TENM3: variants seen among roughly 807,000 people sequenced by gnomAD.
TENM3 encodes teneurin transmembrane protein 3.
TENM3 carries 63 observed loss-of-function variants against 255.1 expected under a neutral mutation model. That is an observed-to-expected ratio of 0.25 (90% confidence interval 0.20 to 0.30). The LOEUF (loss-of-function observed/expected upper bound fraction) is 0.30. Among genes scored for constraint, TENM3 ranks in the 10% least tolerant of loss-of-function variants. The probability of loss-of-function intolerance (pLI) is 1.00; values close to 1 mark genes in which losing one functional copy is unlikely to be tolerated. For synonymous variants in TENM3, 1,306 were observed against 1,322.3 expected (o/e 0.99, Z 0.27); for missense variants, 2,929 against 3,461.1 (o/e 0.85, Z 3.86).
intron 2 of TENM3, among the ~76,000 whole-genome samples, chr4:182,334,228 A>G (rs1763959068): frequency 6.6e-6 from 1 of 152,204 alleles, no homozygotes; most frequent in South Asian, 2.1e-4. Context: ...AAATTTTGCA[A>G]GCATGCTATG....
the TENM3 span, among the ~76,000 whole-genome samples, chr4:182,066,325 T>A: frequency 4.6e-5 from 7 of 152,140 alleles, no homozygotes; most frequent in Non-Finnish European, 1.0e-4. Context: ...AACTCAAATG[T>A]TTTCATGTGT....
chr4:182,747,209 C>T (rs899437671), intron 19 of TENM3, among the ~76,000 whole-genome samples: 1 of 152,128 alleles, frequency 6.6e-6, no homozygotes, highest in Non-Finnish European at 1.5e-5. Context: ...AAAATGCAAA[C>T]TTTTTATCCT....
chr4:182,211,487 C>A (rs1755037756), intron 1 of TENM3, among the ~76,000 whole-genome samples: 1 of 152,102 alleles, frequency 6.6e-6, no homozygotes, highest in Non-Finnish European at 1.5e-5. Context: ...AAAACATAGG[C>A]TATAGTCTGA....
upstream of TENM3, chr4:182,142,128 T>G (rs918977845): frequency 6.6e-6 from 1 of 152,138 alleles, no homozygotes; most frequent in African/African-American, 2.4e-5. Context: ...AAGCCTTTTT[T>G]TTATATAATA....
chr4:182,667,316 A>G (rs1754784677), intron 6 of TENM3, among the ~76,000 whole-genome samples: 1 of 151,798 alleles, frequency 6.6e-6, no homozygotes, highest in African/African-American at 2.4e-5. Flanking sequence ...TCAGCCTCCC[A>G]AGTAGCTGGG....
Position 182,773,630 on chromosome 4 carries a change from T to TGTC in TENM3, c.5051_5052insGTC (p.Phe1684delinsLeuSer), listed in dbSNP as rs1764448149. On this transcript the variant is annotated protein_altering_variant, in exon 23 of 28. Transcript: ENST00000511685. ...TCAAATCTGTCCTCGATCGATTCTT[T>TGTC]CTACACCATGGTTCAAGGTAAACAC... The TGTC allele has an allele frequency of 6.2e-7, 1 of 1,612,280 alleles. No homozygotes were observed. The highest frequency in any genetic ancestry group is 8.5e-7 in the Non-Finnish European group (1 of 1,179,244).
chr4:182,540,818 A>C (rs377576668), intron 3 of TENM3, among the ~76,000 whole-genome samples: 28 of 152,198 alleles, frequency 1.8e-4, no homozygotes, highest in African/African-American at 6.8e-4. Flanking sequence ...ATGAAGAGGA[A>C]CTGCATATGC....
the TENM3 span, among the ~76,000 whole-genome samples, chr4:181,875,304 A>T: frequency 6.6e-6 from 1 of 152,152 alleles, no homozygotes; most frequent in East Asian, 1.9e-4. Flanking sequence ...ATAAATCTTA[A>T]TAATAGCAAT....
chr4:181,595,683 C>T, the TENM3 span, among the ~76,000 whole-genome samples: 89 of 152,204 alleles, frequency 5.8e-4, no homozygotes, highest in African/African-American at 2.0e-3. Flanking sequence ...GATCTGGGTC[C>T]TGACTTCCTC....
chr4:182,182,771 G>T (rs1752922673), intron 1 of TENM3, among the ~76,000 whole-genome samples: 1 of 152,152 alleles, frequency 6.6e-6, no homozygotes, highest in South Asian at 2.1e-4. Context: ...GTTGTTGGAA[G>T]GATGAAGTTA....
At chr4:182,458,414 G>A (rs949915333) in intron 3 of TENM3, among the ~76,000 whole-genome samples, 1 of 152,068 alleles carries the variant, frequency 6.6e-6, no homozygotes, top group Non-Finnish European at 1.5e-5. Context: ...GTCTTTTTAT[G>A]GTTTTGGTCA....
At chr4:181,758,409 A>T in the TENM3 span, among the ~76,000 whole-genome samples, 2 of 152,188 alleles carry the variant, frequency 1.3e-5, no homozygotes, top group Non-Finnish European at 2.9e-5. Flanking sequence ...GTGTAAAGAT[A>T]ATGTGAAGAG....
the TENM3 span, among the ~76,000 whole-genome samples, chr4:181,901,302 C>T: frequency 6.6e-6 from 1 of 152,152 alleles, no homozygotes; most frequent in African/African-American, 2.4e-5. Flanking sequence ...TCACGCCACC[C>T]TAGTAAGGAT....
chr4:182,529,297 A>T (rs1739539879), intron 3 of TENM3, among the ~76,000 whole-genome samples: 1 of 152,210 alleles, frequency 6.6e-6, no homozygotes, highest in Non-Finnish European at 1.5e-5. Context: ...ACTTGGTCTG[A>T]AAAGATTATC....
the TENM3 span, among the ~76,000 whole-genome samples, chr4:181,766,648 AAG>A: frequency 7.2e-5 from 11 of 151,972 alleles, no homozygotes; most frequent in Non-Finnish European, 1.6e-4. Flanking sequence ...GTCAAAGAAA[AAG>A]GATTCCTCAG....
intron 3 of TENM3, among the ~76,000 whole-genome samples, chr4:182,359,576 C>T (rs1187887304): frequency 5.4e-5 from 8 of 148,804 alleles, no homozygotes; most frequent in African/African-American, 2.0e-4. Flanking sequence ...TCCCCTTTAT[C>T]ATTTTTTATT....
the TENM3 span, among the ~76,000 whole-genome samples, chr4:181,635,621 C>T: frequency 5.9e-5 from 9 of 152,212 alleles, no homozygotes; most frequent in Non-Finnish European, 1.5e-5. Context: ...ACCAAGCTAC[C>T]TTGGGAACTT....
chr4:182,594,683 G>GGT (rs67667219), intron 3 of TENM3, among the ~76,000 whole-genome samples: 5,638 of 138,084 alleles, frequency 0.041, 128 homozygotes, highest in Admixed American at 0.057. Flanking sequence ...TTTTTGTTTT[G>GGT]GTGTGTGTGT....
At chr4:182,449,026 A>T (rs1316820271) in intron 3 of TENM3, 2 of 389,084 alleles carry the variant, frequency 5.1e-6, no homozygotes, top group South Asian at 3.4e-5. Flanking sequence ...AGACCCAGGC[A>T]ACTTGGCAGC....
Sources: allele counts gnomAD v4.1 joint callset (sites outside exome capture counted in the v4.1 genomes callset), GRCh38; gene constraint gnomAD v4.1.1; transcripts MANE v1.5; gene names NCBI Gene and HGNC (gene_info 2026-07-23, HGNC 2026-07-21).